COL4A2: variants seen among roughly 807,000 people sequenced by gnomAD.
COL4A2 encodes the protein collagen alpha-2(IV) chain.
COL4A2 carries 99 observed loss-of-function variants against 200.2 expected under a neutral mutation model. The observed-to-expected ratio is 0.49, with a 90% CI of 0.42 to 0.58. The LOEUF (loss-of-function observed/expected upper bound fraction) is 0.58, where lower values mean the gene tolerates loss of function less well. COL4A2 is among the 20% of genes least tolerant of loss of function. The pLI is 0.00. For missense variants in COL4A2, 1,950 were observed against 2,314.1 expected, an observed-to-expected ratio of 0.84 and a Z score of 3.23; for synonymous variants, 897 against 900.6, an observed-to-expected ratio of 1.00 and a Z score of 0.07.
rs1462426341 is a variant in COL4A2 at position 110,377,228 on chromosome 13, G to A, written c.180+19676G>A. On this transcript the variant is annotated intron_variant, in intron 4 of 47. Transcript: ENST00000360467. ...TGCATTGTCAGATGTTTCTTGGTTAGGACATCTGCATTCTACATGCAACAG... is the reference window on the plus strand; with the variant it reads ...TGCATTGTCAGATGTTTCTTGGTTAAGACATCTGCATTCTACATGCAACAG... Among the ~76,000 whole-genome samples the A allele has an allele frequency of 2.0e-5, 3 of 152,092 alleles. 1 individual carries two copies. Among genetic ancestry groups the A allele is most frequent in the Non-Finnish European group, 4.4e-5 (3 of 68,014 alleles).
chr13:110,357,954 C>G (rs557009974), intron 4 of COL4A2, among the ~76,000 whole-genome samples: 1 of 152,158 alleles, frequency 6.6e-6, no homozygotes, highest in Non-Finnish European at 1.5e-5. Flanking sequence ...GGGGCGTGAC[C>G]GCGCACCACT....
At chr13:110,432,573 T>C (rs1270315699) in intron 11 of COL4A2, among the ~76,000 whole-genome samples, 1 of 152,210 alleles carries the variant, frequency 6.6e-6, no homozygotes, top group African/African-American at 2.4e-5. Flanking sequence ...GGTGGAATGA[T>C]TTGTTGTTTG....
chr13:110,413,156 T>C (rs1566519556), intron 4 of COL4A2, among the ~76,000 whole-genome samples: 1 of 152,156 alleles, frequency 6.6e-6, no homozygotes, highest in African/African-American at 2.4e-5. Flanking sequence ...GAAGTCATTA[T>C]AATGGTCAGA....
At chr13:110,344,114 A>G (rs1168949673) in intron 3 of COL4A2, among the ~76,000 whole-genome samples, 1 of 152,216 alleles carries the variant, frequency 6.6e-6, no homozygotes, top group African/African-American at 2.4e-5. Context: ...AAGAAAAACA[A>G]CATAGCTCAT....
At chr13:110,488,458 G>C (rs1218651064) in intron 34 of COL4A2, among the ~76,000 whole-genome samples, 1 of 152,148 alleles carries the variant, frequency 6.6e-6, no homozygotes, top group African/African-American at 2.4e-5. Context: ...CTCTGGAGGG[G>C]AAAACTAGGG....
rs566496704 is a variant in COL4A2, at chr13:110,482,739, C to T, written c.2902+80C>T. ...CCTTTCTTGGTGGCATAACATTGCC[C>T]AGAATGAATTTTTGAAAACCCATGC... On this transcript the variant is annotated intron_variant, in intron 32 of 47. Coordinates refer to ENST00000360467, the MANE Select transcript of COL4A2 (RefSeq NM_001846.4). The T allele has an allele frequency of 4.8e-6, 7 of 1,468,590 alleles. No homozygotes were observed. In the South Asian group the frequency reaches 7.4e-5, roughly 15 times the overall value. 91.0% of individuals were successfully genotyped at this position (1,468,590 alleles called of 1,614,324 possible). A position where few individuals can be genotyped will look rare whatever the true frequency, so the allele number is the denominator to read the frequency against.
intron 36 of COL4A2, 140 bp from the exon 37 acceptor site, chr13:110,491,093 A>G (rs1222848093): frequency 3.0e-6 from 2 of 665,200 alleles, no homozygotes; most frequent in African/African-American, 3.6e-5. Flanking sequence ...AAAATCAGCT[A>G]AGGAAGGAGC....
Position 110,312,113 on chromosome 13 carries a change from C to A in COL4A2, c.99+3990C>A, listed in dbSNP as rs190065030. 3.3e-3 allele frequency among the ~76,000 whole-genome samples: 502 copies of A among 152,304 alleles called. 3 individuals carry two copies. Among genetic ancestry groups the A allele is most frequent in the Middle Eastern group, 0.02 (6 of 294 alleles). ...TGAAGCGCTATTGCTCAAAACATGG[C>A]CCTCTGAGAAGAAGGGAAAAGCACG... is the stretch of plus-strand genomic sequence containing the variant. On this transcript the variant is annotated intron_variant, in intron 3 of 47. Transcript: ENST00000360467.
Position 110,462,200 on chromosome 13 carries a change from T to C in COL4A2, c.1669+14T>C, listed in dbSNP as rs965807219. ...TCACAACCAAAGGTGAGTTCCTCTC[T>C]GGCCACGCGGCCCCTGGGGCACTGA... On this transcript the variant is annotated intron_variant, in intron 23 of 47. Coordinates refer to ENST00000360467, the MANE Select transcript of COL4A2 (RefSeq NM_001846.4). 4 of 1,614,150 alleles carry C rather than the reference T, an allele frequency of 2.5e-6. No homozygotes were observed. In the African/African-American group the frequency reaches 4.0e-5, roughly 16 times the overall value.
chr13:110,508,370 A>G lies in COL4A2; in HGVS notation c.4881+149A>G. 1 of 1,267,262 alleles carries G rather than the reference A, an allele frequency of 7.9e-7. No homozygotes were observed. The highest frequency in any genetic ancestry group is 1.1e-6 in the Non-Finnish European group (1 of 920,924). The allele number at this position is 1,267,262 out of a possible 1,614,324, so 78.5% of individuals were successfully genotyped here. A position where few individuals can be genotyped will look rare whatever the true frequency, so the allele number is the denominator to read the frequency against. Reference sequence around the variant, plus strand: ...GGCCCAGGAAGCGAGCGAGAGCTGGAACACAGCTTACACTTGGCTAACTGA... The same window carrying G: ...GGCCCAGGAAGCGAGCGAGAGCTGGGACACAGCTTACACTTGGCTAACTGA... On this transcript the variant is annotated intron_variant, in intron 47 of 47. Coordinates refer to ENST00000360467, the MANE Select transcript of COL4A2 (RefSeq NM_001846.4). The surrounding 1 kb of genome is among the most constrained non-coding windows in gnomAD (Gnocchi z 6.1).
chr13:110,446,692 G>A lies in COL4A2; in HGVS notation c.1012-106G>A, dbSNP rs541429857. The A allele has an allele frequency of 2.2e-4, 202 of 918,400 alleles. No homozygotes were observed. The African/African-American group carries it at 3.1e-3, about 14-fold the overall frequency. The allele number at this position is 918,400 out of a possible 1,614,324, so 56.9% of individuals were successfully genotyped here. On this transcript the variant is annotated intron_variant, in intron 17 of 47. Coordinates refer to ENST00000360467, the MANE Select transcript of COL4A2 (RefSeq NM_001846.4). ...TTCCACTGGTTGAAATAGCTGCTCT[G>A]CCAGCCTGACGGTCCACGCTCGGGT...
chr13:110,362,986 G>T (rs9521715), intron 4 of COL4A2, among the ~76,000 whole-genome samples: 32,069 of 152,190 alleles, frequency 0.21, 3,680 homozygotes, highest in Admixed American at 0.27. Context: ...ATTTTTTAAT[G>T]ACATCAACCT....
intron 20 of COL4A2, among the ~76,000 whole-genome samples, chr13:110,452,925 C>T (rs908715001): frequency 6.6e-6 from 1 of 151,926 alleles, no homozygotes; most frequent in Admixed American, 6.6e-5. Context: ...ACCACCATGC[C>T]TGGCTAATTT....
intron 13 of COL4A2, 52 bp downstream of exon 13, chr13:110,436,419 A>G: frequency 1.3e-6 from 2 of 1,584,006 alleles, no homozygotes; most frequent in African/African-American, 2.7e-5. Context: ...AAGGAGAGTA[A>G]AAGTACATTT....
intron 30 of COL4A2, 85 bp downstream of exon 30, chr13:110,478,249 A>C: frequency 2.2e-6 from 3 of 1,364,270 alleles, no homozygotes; most frequent in Non-Finnish European, 2.9e-6. Context: ...TGGAGCTCTC[A>C]AAGTCTGTTC....
chr13:110,453,259 G>A (rs1450564337), intron 20 of COL4A2, among the ~76,000 whole-genome samples: 1 of 152,086 alleles, frequency 6.6e-6, no homozygotes, highest in East Asian at 1.9e-4. Context: ...CCAGCGCTTT[G>A]GGAAAGCCGA....
chr13:110,334,900 C>T (rs1030062968), intron 3 of COL4A2, among the ~76,000 whole-genome samples: 3 of 152,228 alleles, frequency 2.0e-5, no homozygotes, highest in African/African-American at 7.2e-5. Flanking sequence ...AGGCCTGCTT[C>T]AGCCCTCGGT....
chr13:110,334,374 G>A (rs7330111), intron 3 of COL4A2, among the ~76,000 whole-genome samples: 12,874 of 152,262 alleles, frequency 0.085, 718 homozygotes, highest in African/African-American at 0.15. Flanking sequence ...GTGCCTGCAC[G>A]ATGCCCTAAG....
chr13:110,418,067 T>C (rs376052661), intron 4 of COL4A2, among the ~76,000 whole-genome samples: 1 of 152,196 alleles, frequency 6.6e-6, no homozygotes, highest in African/African-American at 2.4e-5. Context: ...TTTTTCTGTG[T>C]ATGTTCACCA....
Sources: gnomAD v4.1 joint callset for allele counts (sites outside exome capture counted in the v4.1 genomes callset) on GRCh38, gnomAD v4.1.1 for gene constraint, Gnocchi (gnomAD v3.1) non-coding constraint, MANE v1.5 for transcripts, NCBI Gene and HGNC (gene_info 2026-07-23, HGNC 2026-07-21) for gene names.